The following BANK1 variants were observed in gnomAD, a reference collection of about 807,000 sequenced individuals.
The protein encoded by BANK1 is B-cell scaffold protein with ankyrin repeats.
BANK1 carries 95 observed loss-of-function variants against 94.5 expected under a neutral mutation model. That is an observed-to-expected ratio of 1.00 (90% CI 0.85 to 1.19). BANK1 has a LOEUF of 1.19. Among genes scored for constraint, BANK1 ranks in the 50% most tolerant of loss-of-function variants. The probability of loss-of-function intolerance (pLI) is 0.00; values close to 1 mark genes in which losing one functional copy is unlikely to be tolerated. For missense variants in BANK1, 987 were observed against 932.2 expected (o/e 1.06, Z -0.77); for synonymous variants, 334 against 308.4 (o/e 1.08, Z -0.87).
intron 10 of BANK1, among the ~76,000 whole-genome samples, chr4:102,034,523 A>G (rs1399430083): frequency 6.6e-6 from 1 of 152,184 alleles, no homozygotes; most frequent in Non-Finnish European, 1.5e-5. Context: ...AAACAATTCT[A>G]CTTTTTCTTT....
intron 6 of BANK1, among the ~76,000 whole-genome samples, chr4:101,903,710 C>G (rs1467186115): frequency 2.6e-5 from 4 of 152,166 alleles, no homozygotes; most frequent in Non-Finnish European, 5.9e-5. Flanking sequence ...GGTAGGAATG[C>G]CTAGAGCAGG....
chr4:101,897,465 C>T (rs946834352), intron 6 of BANK1, among the ~76,000 whole-genome samples: 2 of 151,886 alleles, frequency 1.3e-5, no homozygotes, highest in Non-Finnish European at 2.9e-5. Flanking sequence ...ATTGTGGCCC[C>T]TTATTTTTAT....
At chr4:101,893,421 G>A (rs1038004489) in intron 5 of BANK1, among the ~76,000 whole-genome samples, 1 of 151,936 alleles carries the variant, frequency 6.6e-6, no homozygotes, top group African/African-American at 2.4e-5. Context: ...AAGAAATGGC[G>A]ATGGAGCTCC....
intron 7 of BANK1, among the ~76,000 whole-genome samples, chr4:101,923,759 G>A (rs1459060114): frequency 6.6e-6 from 1 of 151,758 alleles, no homozygotes; most frequent in East Asian, 1.9e-4. Context: ...GGCAGAGTAG[G>A]TAAACTCTGA....
intron 7 of BANK1, among the ~76,000 whole-genome samples, chr4:101,932,455 G>A (rs1386560163): frequency 6.6e-6 from 1 of 151,432 alleles, no homozygotes; most frequent in Admixed American, 6.6e-5. Flanking sequence ...TTGTCCTGTT[G>A]TAAGTTTGTT....
At chr4:102,061,683 G>A (rs1328178965) in intron 12 of BANK1, 2 of 151,840 alleles carry the variant, frequency 1.3e-5, no homozygotes, top group African/African-American at 4.8e-5. Context: ...ATATCATTTT[G>A]GAAATTATTT....
At chr4:101,800,188 A>G (rs1366612553) in intron 1 of BANK1, among the ~76,000 whole-genome samples, 2 of 151,446 alleles carry the variant, frequency 1.3e-5, no homozygotes, top group African/African-American at 4.8e-5. Flanking sequence ...GTAAATGACA[A>G]GTTAATGGGT....
At chr4:101,849,608 AAC>A (rs1240214373) in intron 2 of BANK1, among the ~76,000 whole-genome samples, 1 of 152,200 alleles carries the variant, frequency 6.6e-6, no homozygotes, top group Non-Finnish European at 1.5e-5. Context: ...TGTATGTATT[AAC>A]ACATACTATA....
chr4:102,007,148 A>ATATATATATATATATATATATATC (rs1726329632), intron 7 of BANK1, among the ~76,000 whole-genome samples: 4 of 12,030 alleles, frequency 3.3e-4, no homozygotes, highest in Non-Finnish European at 6.1e-4. Flanking sequence ...AATATATTTT[A>ATATATATATATATATATATATATC]TATATATATA....
At chr4:101,906,422 G>C (rs548256558) in intron 6 of BANK1, among the ~76,000 whole-genome samples, 1 of 152,232 alleles carries the variant, frequency 6.6e-6, no homozygotes, top group Non-Finnish European at 1.5e-5. Flanking sequence ...TGCCTGAATA[G>C]AACTAAGAGT....
At chr4:101,792,469 GTTTTTT>G (rs5860691) in intron 1 of BANK1, among the ~76,000 whole-genome samples, 2 of 97,600 alleles carry the variant, frequency 2.0e-5, no homozygotes, top group African/African-American at 6.8e-5. Context: ...GTGTGTGTGT[GTTTTTT>G]TTTTTTTAAT....
intron 7 of BANK1, among the ~76,000 whole-genome samples, chr4:101,926,972 C>T (rs1560636394): frequency 6.6e-6 from 1 of 151,532 alleles, no homozygotes; most frequent in East Asian, 2.0e-4. Context: ...TAAGTAAGGC[C>T]GGATCTGTAG....
intron 13 of BANK1, among the ~76,000 whole-genome samples, chr4:102,066,259 T>A (rs114862018): frequency 0.037 from 5,525 of 150,618 alleles, 348 homozygotes; most frequent in African/African-American, 0.13. Flanking sequence ...ATAACATCTT[T>A]TTTTTTTTTT....
chr4:101,814,579 C>T (rs1206674154), intron 1 of BANK1, among the ~76,000 whole-genome samples: 1 of 152,190 alleles, frequency 6.6e-6, no homozygotes, highest in African/African-American at 2.4e-5. Context: ...AAGAAACGGA[C>T]TGGAGTTTTA....
intron 2 of BANK1, among the ~76,000 whole-genome samples, chr4:101,851,656 A>G (rs1277587313): frequency 1.3e-5 from 2 of 152,170 alleles, no homozygotes; most frequent in Non-Finnish European, 2.9e-5. Flanking sequence ...TACAAAGCAG[A>G]GAGCCAAGCC....
At chr4:102,041,033 C>T (rs986231563) in intron 10 of BANK1, among the ~76,000 whole-genome samples, 1 of 151,994 alleles carries the variant, frequency 6.6e-6, no homozygotes, top group African/African-American at 2.4e-5. Context: ...ACATTTAAAA[C>T]AAATTCTCGT....
At chr4:101,797,735 G>A (rs1578322510) in intron 1 of BANK1, among the ~76,000 whole-genome samples, 1 of 152,184 alleles carries the variant, frequency 6.6e-6, no homozygotes, top group South Asian at 2.1e-4. Context: ...GGGCATGAGA[G>A]AATGTCATTT....
At chr4:101,887,592 G>T (rs1728902649) in intron 5 of BANK1, among the ~76,000 whole-genome samples, 1 of 152,092 alleles carries the variant, frequency 6.6e-6, no homozygotes, top group African/African-American at 2.4e-5. Flanking sequence ...TTATTATTGA[G>T]ATTCATAGCT....
intron 7 of BANK1, among the ~76,000 whole-genome samples, chr4:102,013,333 C>T (rs532956274): frequency 6.6e-6 from 1 of 152,190 alleles, no homozygotes; most frequent in African/African-American, 2.4e-5. Flanking sequence ...AGCACTGGTC[C>T]TCTCTTATAT....
Sources: gnomAD v4.1 joint callset for allele counts (sites outside exome capture counted in the v4.1 genomes callset) on GRCh38, gnomAD v4.1.1 for gene constraint, MANE v1.5 for transcripts, NCBI Gene and HGNC (gene_info 2026-07-23, HGNC 2026-07-21) for gene names.